Variants in WDR47 observed in about 807,000 individuals in gnomAD.
WDR47 encodes WD repeat-containing protein 47.
In WDR47, 32 loss-of-function variants were observed where a neutral mutation model predicts 97.2. That is an observed-to-expected ratio of 0.33 (90% CI 0.25 to 0.44). WDR47 has a LOEUF of 0.44. WDR47 is among the 20% of genes least tolerant of loss of function. The pLI is 1.00. For synonymous variants in WDR47, 375 were observed against 373.5 expected, an observed-to-expected ratio of 1.00 and a Z score of -0.05; for missense variants, 782 against 1,102.3, an observed-to-expected ratio of 0.71 and a Z score of 4.11.
rs774631287 is a variant in WDR47 at position 109,002,317 on chromosome 1, C to T, written c.1340G>A (p.Arg447Gln). 8 of 1,613,278 alleles carry T rather than the reference C, an allele frequency of 5.0e-6. No homozygotes were observed. The highest frequency in any genetic ancestry group is 1.1e-5 in the South Asian group (1 of 91,012). The part of the protein sequence containing the change: ...QQHLEQKEQQ[R>Q]QIYQQMLLEG... ...AAGCAACATCTGTTGGTATATCTGC[C>T]GCTGTTGCTCCTTCTGTTCTAAATG... is the stretch of plus-strand genomic sequence containing the variant. The change falls in exon 7 of 15, where the codon CGG (arginine) becomes CAG (glutamine). Residue 447 changes from arginine (R) to glutamine (Q), a missense_variant. Around this residue, in one of 3 missense-constraint regions of WDR47, gnomAD observed 428 missense variants for 584.3 expected, o/e 0.73. Transcript: ENST00000369962.
intron 3 of WDR47, among the ~76,000 whole-genome samples, chr1:109,016,022 A>T (rs984346634): frequency 2.0e-5 from 3 of 149,896 alleles, no homozygotes; most frequent in Non-Finnish European, 3.0e-5. Flanking sequence ...AAGGGGTTAT[A>T]TTCAACAGCA....
chr1:108,978,538 GTT>G (rs1325079399), intron 13 of WDR47, among the ~76,000 whole-genome samples: 2 of 151,944 alleles, frequency 1.3e-5, no homozygotes, highest in African/African-American at 4.8e-5. Context: ...CACAGAATAG[GTT>G]TCAGCTAGAG....
intron 9 of WDR47, among the ~76,000 whole-genome samples, chr1:108,990,956 G>A (rs1659291196): frequency 6.6e-6 from 1 of 151,436 alleles, no homozygotes; most frequent in African/African-American, 2.4e-5. Flanking sequence ...TGAGCCTCGA[G>A]ATAAATACCA....
At chr1:108,986,761 T>C in intron 9 of WDR47, 81 bp from the exon 10 acceptor site, 6 of 1,200,730 alleles carry the variant, frequency 5.0e-6, no homozygotes, top group Non-Finnish European at 5.8e-6. Context: ...TTAAATTCAT[T>C]TGAACTTTAT....
chr1:109,006,598 G>A (rs1660642219), intron 5 of WDR47, among the ~76,000 whole-genome samples: 1 of 152,086 alleles, frequency 6.6e-6, no homozygotes, highest in South Asian at 2.1e-4. Flanking sequence ...CATTTAACTT[G>A]CACAATAACC....
chr1:109,008,771 C>A (rs1660821334), intron 5 of WDR47, among the ~76,000 whole-genome samples: 1 of 151,774 alleles, frequency 6.6e-6, no homozygotes, highest in African/African-American at 2.4e-5. Flanking sequence ...CCACACCCAA[C>A]TAATTTTTGT....
At chr1:108,997,984 G>A (rs913845639) in intron 7 of WDR47, among the ~76,000 whole-genome samples, 10 of 151,850 alleles carry the variant, frequency 6.6e-5, no homozygotes, top group African/African-American at 2.4e-5. Flanking sequence ...TATTTTTAGG[G>A]TTTAAAAATA....
intron 1 of WDR47, among the ~76,000 whole-genome samples, chr1:109,029,585 T>G (rs1662466540): frequency 6.6e-6 from 1 of 151,686 alleles, no homozygotes; most frequent in Admixed American, 6.6e-5. Flanking sequence ...CACTTGATTC[T>G]CACTTGAACC....
At chr1:109,039,065 A>C (rs1458218215) in intron 1 of WDR47, among the ~76,000 whole-genome samples, 1 of 152,174 alleles carries the variant, frequency 6.6e-6, no homozygotes, top group Non-Finnish European at 1.5e-5. Flanking sequence ...CTATATGAAG[A>C]AACTCCTACT....
intron 5 of WDR47, among the ~76,000 whole-genome samples, chr1:109,006,680 T>C (rs1660649051): frequency 6.6e-6 from 1 of 152,196 alleles, no homozygotes. Context: ...TTCCTAAGAT[T>C]GCATAGCTAG....
intron 6 of WDR47, 54 bp downstream of exon 6, chr1:109,004,538 T>G (rs939050139): frequency 1.2e-5 from 18 of 1,527,528 alleles, no homozygotes; most frequent in Non-Finnish European, 1.6e-5. Flanking sequence ...GTAAATTCTA[T>G]TACTTCTTAC....
chr1:109,025,971 T>C (rs1238431757), intron 1 of WDR47, among the ~76,000 whole-genome samples: 2 of 152,146 alleles, frequency 1.3e-5, no homozygotes, highest in Non-Finnish European at 2.9e-5. Flanking sequence ...TCTTCTGAGC[T>C]GACCACCATC....
In WDR47 at chr1:108,983,331, G is replaced by A. The variant is rs756417809; in HGVS notation, c.2046C>T (p.Asp682=). 5 of 1,612,578 alleles carry A rather than the reference G, an allele frequency of 3.1e-6. No homozygotes were observed. The highest frequency in any genetic ancestry group is 1.1e-5 in the South Asian group (1 of 90,858). ...TGAAGGGCAGCACTTTGACGTATTT[G>A]TCATTTGATCCTGTTGCTAATAACT... ...CGQLLATGSN[D]KYVKVLPFNA... Residue 682 remains aspartate (D), a synonymous_variant, in exon 11 of 15, where the codon GAC becomes GAT. Transcript: ENST00000369962.
rs1660986688 is a variant in WDR47, at chr1:109,010,820, G to A, written c.1130+96C>T. The A allele has an allele frequency of 5.5e-5, 66 of 1,201,280 alleles. No homozygotes were observed. The South Asian group carries it at 9.5e-4, about 17-fold the overall frequency. 74.4% of individuals were successfully genotyped at this position (1,201,280 alleles called of 1,614,324 possible). On this transcript the variant is annotated intron_variant, in intron 5 of 14. Transcript: ENST00000369962. ...GATGGTCTCAATCTCCTGACCTTGT[G>A]ATCCACCCACCTCGGCCTCCCAAAG...
At chr1:109,005,707 AC>A (rs1660546343) in intron 5 of WDR47, among the ~76,000 whole-genome samples, 1 of 151,932 alleles carries the variant, frequency 6.6e-6, no homozygotes, top group African/African-American at 2.4e-5. Context: ...ACCTGTCTCT[AC>A]CAAAAACACA....
intron 7 of WDR47, among the ~76,000 whole-genome samples, chr1:109,000,068 G>A (rs1376066958): frequency 2.6e-5 from 4 of 152,062 alleles, no homozygotes; most frequent in East Asian, 1.9e-4. Context: ...TGTGTGAGCC[G>A]GCTACGATGA....
rs540179037 is a variant in WDR47 at position 109,004,673 on chromosome 1, G to T, written c.1173C>A (p.Ile391=). ...TTTCTGAAACTGAACTCTGGCCCAA[G>T]ATTTCACTGCCGATAGGCCTCTGTG... The part of the protein sequence containing the change: ...VDAQRPIGSE[I]LGQSSVSEKE... The change falls in exon 6 of 15, where the codon ATC becomes ATA. Residue 391 remains isoleucine, a synonymous_variant. Transcript: ENST00000369962. 4.3e-6 allele frequency: 7 copies of T among 1,613,560 alleles called. No homozygotes were observed. The Admixed American group carries it at 1.2e-4, about 27-fold the overall frequency.
At chr1:108,998,982 T>C (rs1659960147) in intron 7 of WDR47, among the ~76,000 whole-genome samples, 1 of 152,072 alleles carries the variant, frequency 6.6e-6, no homozygotes, top group South Asian at 2.1e-4. Flanking sequence ...TCCCAGCACT[T>C]TGGGAGGCCA....
chr1:109,008,268 T>C (rs1292097998), intron 5 of WDR47, among the ~76,000 whole-genome samples: 8 of 151,180 alleles, frequency 5.3e-5, no homozygotes, highest in Admixed American at 4.6e-4. Flanking sequence ...ATTTATCCTA[T>C]ACTTCTTTTT....
Sources: gnomAD v4.1 joint callset for allele counts (sites outside exome capture counted in the v4.1 genomes callset) on GRCh38, gnomAD v4.1.1 for gene constraint, gnomAD v4.1.1 regional missense constraint, MANE v1.5 for transcripts, NCBI Gene and HGNC (gene_info 2026-07-23, HGNC 2026-07-21) for gene names.